SCHIP1: variants seen among roughly 807,000 people sequenced by gnomAD.
SCHIP1 encodes schwannomin interacting protein 1, also known as schwannomin-interacting protein 1.
In SCHIP1, 8 loss-of-function variants were observed where a neutral mutation model predicts 29.7. That is an observed-to-expected ratio of 0.27 (90% CI 0.16 to 0.49). The LOEUF is 0.49. SCHIP1 is among the 20% of genes least tolerant of loss of function. The pLI, the probability that SCHIP1 is intolerant of heterozygous loss-of-function variation, is 0.99. For synonymous variants in SCHIP1, 76 were observed against 94.9 expected (o/e 0.80, Z 1.16); for missense variants, 193 against 294.6 (o/e 0.66, Z 2.52).
At chr3:159,616,599 T>C in the SCHIP1 span, among the ~76,000 whole-genome samples, 1 of 152,242 alleles carries the variant, frequency 6.6e-6, no homozygotes, top group Non-Finnish European at 1.5e-5. Flanking sequence ...TCATTTATTA[T>C]TGGTTGATAG....
At chr3:159,437,383 C>A in the SCHIP1 span, among the ~76,000 whole-genome samples, 1 of 152,010 alleles carries the variant, frequency 6.6e-6, no homozygotes, top group Non-Finnish European at 1.5e-5. Context: ...GGATTTTTTT[C>A]TTGACTCTCA....
chr3:159,596,590 A>G, the SCHIP1 span, among the ~76,000 whole-genome samples: 1 of 152,238 alleles, frequency 6.6e-6, no homozygotes, highest in Non-Finnish European at 1.5e-5. Flanking sequence ...AAAATGTGGC[A>G]AATATGCACC....
At chr3:159,881,447 T>C (rs1208749930) in intron 2 of SCHIP1, among the ~76,000 whole-genome samples, 1 of 152,138 alleles carries the variant, frequency 6.6e-6, no homozygotes, top group South Asian at 2.1e-4. Context: ...GCCACACTGG[T>C]TGTAGGCAGA....
chr3:159,283,513 C>CT, the SCHIP1 span, among the ~76,000 whole-genome samples: 2,064 of 145,472 alleles, frequency 0.014, 23 homozygotes, highest in African/African-American at 0.032. Flanking sequence ...GGATTATTTC[C>CT]TTTTTTTTTT....
the SCHIP1 span, among the ~76,000 whole-genome samples, chr3:159,633,742 A>G: frequency 2.0e-5 from 3 of 152,200 alleles, no homozygotes; most frequent in Admixed American, 6.5e-5. Flanking sequence ...ACTCTTAATT[A>G]GGAAGTACAT....
At chr3:159,875,227 G>A (rs2109331812) in intron 2 of SCHIP1, among the ~76,000 whole-genome samples, 1 of 152,268 alleles carries the variant, frequency 6.6e-6, no homozygotes, top group South Asian at 2.1e-4. Flanking sequence ...ATTGGTATTT[G>A]TGAAATTTTC....
the SCHIP1 span, among the ~76,000 whole-genome samples, chr3:159,613,104 G>C: frequency 2.6e-5 from 4 of 152,144 alleles, no homozygotes; most frequent in African/African-American, 9.7e-5. Context: ...AAATGACAGA[G>C]TTAAAGCAAT....
chr3:159,546,528 C>A, the SCHIP1 span, among the ~76,000 whole-genome samples: 3 of 151,928 alleles, frequency 2.0e-5, no homozygotes, highest in Non-Finnish European at 2.9e-5. Context: ...AGGTTTTAAG[C>A]CCTGCATGCA....
chr3:159,572,330 T>TAAAC, the SCHIP1 span, among the ~76,000 whole-genome samples: 1,938 of 151,418 alleles, frequency 0.013, 48 homozygotes, highest in African/African-American at 0.044. Context: ...GTCTTTGTTC[T>TAAAC]CATTGGTTTC....
chr3:159,424,683 AC>A, the SCHIP1 span, among the ~76,000 whole-genome samples: 1 of 152,324 alleles, frequency 6.6e-6, no homozygotes, highest in Admixed American at 6.5e-5. Flanking sequence ...TTCAGGAAAT[AC>A]AGAGAACGCC....
At chr3:159,468,756 A>ATAT in the SCHIP1 span, among the ~76,000 whole-genome samples, 115 of 123,838 alleles carry the variant, frequency 9.3e-4, no homozygotes, top group African/African-American at 3.2e-3. Context: ...TATATAATAT[A>ATAT]ATATATATAT....
chr3:159,627,802 T>C, the SCHIP1 span, among the ~76,000 whole-genome samples: 1 of 152,216 alleles, frequency 6.6e-6, no homozygotes, highest in Admixed American at 6.5e-5. Flanking sequence ...AAGAGAAATT[T>C]ATTGAGGCAA....
the SCHIP1 span, among the ~76,000 whole-genome samples, chr3:159,283,396 GCCGCC>G: frequency 1.3e-5 from 2 of 152,006 alleles, no homozygotes; most frequent in Non-Finnish European, 2.9e-5. Flanking sequence ...CAGGTGATCC[GCCGCC>G]CGCCTTGGCC....
the SCHIP1 span, among the ~76,000 whole-genome samples, chr3:159,290,383 G>GTA: frequency 6.6e-6 from 1 of 152,110 alleles, no homozygotes; most frequent in African/African-American, 2.4e-5. Flanking sequence ...AAACCTAATG[G>GTA]AACTAATGAA....
chr3:159,783,136 G>T, the SCHIP1 span, among the ~76,000 whole-genome samples: 1 of 152,178 alleles, frequency 6.6e-6, no homozygotes, highest in Non-Finnish European at 1.5e-5. Context: ...CTAGATACTT[G>T]GGAGTCAACC....
the SCHIP1 span, among the ~76,000 whole-genome samples, chr3:159,825,391 C>T: frequency 6.6e-6 from 1 of 152,152 alleles, no homozygotes; most frequent in Non-Finnish European, 1.5e-5. Flanking sequence ...CAAGCCACAG[C>T]TCACAGTGAG....
chr3:159,651,346 GT>G, the SCHIP1 span, among the ~76,000 whole-genome samples: 5 of 152,008 alleles, frequency 3.3e-5, no homozygotes, highest in East Asian at 1.9e-4. Flanking sequence ...CAGCAAGGAA[GT>G]TTTTTTTAGT....
At chr3:159,507,928 C>G in the SCHIP1 span, among the ~76,000 whole-genome samples, 1 of 151,990 alleles carries the variant, frequency 6.6e-6, no homozygotes, top group East Asian at 1.9e-4. Context: ...CTAAAATTCT[C>G]TTTTTTTGTT....
the SCHIP1 span, among the ~76,000 whole-genome samples, chr3:159,662,381 AC>A: frequency 2.6e-5 from 4 of 152,216 alleles, no homozygotes; most frequent in East Asian, 7.7e-4. Context: ...ACGTTTGAGT[AC>A]TATTTCTGTG....
Sources: allele counts gnomAD v4.1 joint callset (sites outside exome capture counted in the v4.1 genomes callset), GRCh38; gene constraint gnomAD v4.1.1; transcripts MANE v1.5; gene names NCBI Gene and HGNC (gene_info 2026-07-23, HGNC 2026-07-21).